BANK1: variants seen among roughly 807,000 people sequenced by gnomAD.
The protein encoded by BANK1 is B cell scaffold protein with ankyrin repeats 1.
A neutral mutation model predicts 94.5 loss-of-function variants in BANK1; 95 were observed. The observed-to-expected ratio is 1.00, with a 90% CI of 0.85 to 1.19. BANK1 has a LOEUF of 1.19. Ranked by LOEUF, BANK1 falls within the 50% of genes most tolerant of loss-of-function variation. BANK1 has a pLI of 0.00. For missense variants in BANK1, 987 were observed against 932.2 expected (o/e 1.06, Z -0.77); for synonymous variants, 334 against 308.4 (o/e 1.08, Z -0.87).
At chr4:101,850,231 A>T (rs1202239239) in intron 2 of BANK1, among the ~76,000 whole-genome samples, 1 of 152,030 alleles carries the variant, frequency 6.6e-6, no homozygotes, top group African/African-American at 2.4e-5. Flanking sequence ...TCTGCTTTGA[A>T]TTTGTGTTTG....
At chr4:101,817,147 G>C (rs1725949550) in intron 1 of BANK1, among the ~76,000 whole-genome samples, 1 of 152,074 alleles carries the variant, frequency 6.6e-6, no homozygotes, top group Admixed American at 6.6e-5. Flanking sequence ...AAAATGCAAA[G>C]AGGCCCATCT....
At chr4:101,927,469 T>G (rs1400179986) in intron 7 of BANK1, among the ~76,000 whole-genome samples, 1 of 151,532 alleles carries the variant, frequency 6.6e-6, no homozygotes, top group African/African-American at 2.4e-5. Flanking sequence ...ACTATATTGA[T>G]CACAGACCAT....
At chr4:101,840,973 T>G (rs1010845470) in intron 2 of BANK1, among the ~76,000 whole-genome samples, 1 of 152,156 alleles carries the variant, frequency 6.6e-6, no homozygotes, top group Admixed American at 6.5e-5. Flanking sequence ...ACCACAGGCA[T>G]GCGCCGTCAC....
At chr4:101,824,666 ATT>A (rs77304856) in intron 1 of BANK1, among the ~76,000 whole-genome samples, 1 of 142,780 alleles carries the variant, frequency 7.0e-6, no homozygotes. Flanking sequence ...GCTGTAACTC[ATT>A]TTTTTTTTTT....
chr4:101,915,507 CAG>C (rs1263428091), intron 6 of BANK1, among the ~76,000 whole-genome samples: 6 of 151,970 alleles, frequency 3.9e-5, no homozygotes, highest in African/African-American at 9.7e-5. Context: ...ATTTGAAAGA[CAG>C]AGTATCTTGT....
In BANK1 at chr4:101,790,745, C is replaced by G; in HGVS notation, c.-136C>G. ...TGCGTTTCCTGAGACCTGGCCGCAG[C>G]CTCCGCGGGTGGCAAGCGGGCTGGG... On this transcript the variant is annotated 5_prime_UTR_variant, in exon 1 of 17. Transcript: ENST00000322953. 1 of 953,848 alleles carries G rather than the reference C, an allele frequency of 1.0e-6. No individual in the cohort carries two copies. Among genetic ancestry groups the G allele is most frequent in the Admixed American group, 2.1e-5 (1 of 47,922 alleles). 59.1% of individuals were successfully genotyped at this position (953,848 alleles called of 1,614,324 possible).
At chr4:102,061,147 A>G (rs768119463) in intron 12 of BANK1, among the ~76,000 whole-genome samples, 1 of 152,242 alleles carries the variant, frequency 6.6e-6, no homozygotes, top group Non-Finnish European at 1.5e-5. Context: ...AATTTAGGCC[A>G]AAGTATAAAT....
intron 10 of BANK1, among the ~76,000 whole-genome samples, chr4:102,042,960 T>A (rs976407251): frequency 6.6e-6 from 1 of 152,036 alleles, no homozygotes; most frequent in African/African-American, 2.4e-5. Flanking sequence ...AACTCTGAGA[T>A]CATTGCAAAA....
intron 10 of BANK1, among the ~76,000 whole-genome samples, chr4:102,032,851 C>T (rs546098104): frequency 6.6e-6 from 1 of 151,798 alleles, no homozygotes; most frequent in East Asian, 1.9e-4. Context: ...CACCACTCCA[C>T]TCCAGCCTGA....
intron 3 of BANK1, among the ~76,000 whole-genome samples, chr4:101,856,124 A>T (rs1727671288): frequency 6.6e-6 from 1 of 152,124 alleles, no homozygotes; most frequent in Admixed American, 6.5e-5. Context: ...GGGTCTCCTG[A>T]TCCTACTGGT....
chr4:102,004,457 A>G (rs1035749601), intron 7 of BANK1, among the ~76,000 whole-genome samples: 7 of 152,200 alleles, frequency 4.6e-5, no homozygotes, highest in African/African-American at 1.4e-4. Context: ...TATAACTTCT[A>G]TAACCACTTT....
chr4:101,941,845 A>G (rs765546441), intron 7 of BANK1, among the ~76,000 whole-genome samples: 12 of 151,726 alleles, frequency 7.9e-5, no homozygotes, highest in Non-Finnish European at 1.8e-4. Flanking sequence ...TAGTTTCCCC[A>G]GGGTTTCTTC....
intron 7 of BANK1, among the ~76,000 whole-genome samples, chr4:101,923,447 C>G (rs1216299932): frequency 3.3e-5 from 5 of 151,704 alleles, no homozygotes; most frequent in Non-Finnish European, 7.4e-5. Context: ...TGTATCAGAT[C>G]CAGTGGATTT....
intron 1 of BANK1, among the ~76,000 whole-genome samples, chr4:101,820,833 A>G (rs1208428611): frequency 2.0e-5 from 3 of 152,182 alleles, no homozygotes; most frequent in Non-Finnish European, 4.4e-5. Context: ...ATAGTATTCC[A>G]TGGTGTGTAT....
chr4:102,031,824 G>A (rs529871244), intron 10 of BANK1, among the ~76,000 whole-genome samples: 6 of 152,248 alleles, frequency 3.9e-5, no homozygotes, highest in African/African-American at 1.4e-4. Context: ...TCCTTAAGCT[G>A]CATGTATGTA....
At chr4:102,037,012 T>C (rs1727533125) in intron 10 of BANK1, 1 of 152,248 alleles carries the variant, frequency 6.6e-6, no homozygotes. Context: ...AGCACTTAGA[T>C]TTTCATTCGA....
chr4:101,805,396 G>A (rs1288487111), intron 1 of BANK1, among the ~76,000 whole-genome samples: 1 of 152,002 alleles, frequency 6.6e-6, no homozygotes, highest in African/African-American at 2.4e-5. Flanking sequence ...GCTCTTTAAA[G>A]AAAAGGGTAA....
chr4:101,956,292 C>G (rs1281433095), intron 7 of BANK1, among the ~76,000 whole-genome samples: 4 of 152,176 alleles, frequency 2.6e-5, no homozygotes, highest in Admixed American at 6.5e-5. Flanking sequence ...CCTCAAGGCT[C>G]TATCCTGTAT....
intron 7 of BANK1, among the ~76,000 whole-genome samples, chr4:101,941,769 T>C (rs1349739634): frequency 6.6e-6 from 1 of 151,770 alleles, no homozygotes; most frequent in Non-Finnish European, 1.5e-5. Flanking sequence ...ACATATGCTT[T>C]CTAATAAAAG....
Sources: allele counts gnomAD v4.1 joint callset (sites outside exome capture counted in the v4.1 genomes callset), GRCh38; gene constraint gnomAD v4.1.1; transcripts MANE v1.5; gene names NCBI Gene and HGNC (gene_info 2026-07-23, HGNC 2026-07-21).